The following ADAMTS17 variants were observed in gnomAD, a reference collection of about 807,000 sequenced individuals.
ADAMTS17 encodes the protein A disintegrin and metalloproteinase with thrombospondin motifs 17.
A neutral mutation model predicts 141.5 loss-of-function variants in ADAMTS17; 113 were observed. The observed-to-expected ratio is 0.80, with a 90% CI of 0.69 to 0.93. ADAMTS17 has a LOEUF of 0.93. Among genes scored for constraint, ADAMTS17 ranks in the 40% least tolerant of loss-of-function variants. The pLI is 0.00. For synonymous variants in ADAMTS17, 768 were observed against 630.6 expected (o/e 1.22, Z -3.27); for missense variants, 1,659 against 1,517.9 (o/e 1.09, Z -1.54).
intron 13 of ADAMTS17, 145 bp downstream of exon 13, chr15:100,116,702 G>T: frequency 1.8e-6 from 2 of 1,091,926 alleles, no homozygotes; most frequent in Non-Finnish European, 2.7e-6. Context: ...TTACAAAGTT[G>T]GGCCGCAGCT....
At chr15:100,340,889 G>C in intron 2 of ADAMTS17, 150 bp downstream of exon 2, 1 of 1,225,966 alleles carries the variant, frequency 8.2e-7, no homozygotes, top group Non-Finnish European at 1.1e-6. Flanking sequence ...CCGGGGTGGG[G>C]GATGGGGAGA....
At chr15:100,067,121 C>A (rs111985835) in intron 15 of ADAMTS17, among the ~76,000 whole-genome samples, 6 of 148,838 alleles carry the variant, frequency 4.0e-5, no homozygotes, top group Middle Eastern at 3.5e-3. Context: ...GGCAGCCATC[C>A]TTCTAAGTGT....
At chr15:100,133,099 C>A in intron 11 of ADAMTS17, 115 bp downstream of exon 11, 1 of 1,028,884 alleles carries the variant, frequency 9.7e-7, no homozygotes, top group Admixed American at 2.1e-5. Flanking sequence ...TCTGTGCCGC[C>A]TGGGGGATGT....
chr15:100,277,088 G>A (rs1035863200), intron 4 of ADAMTS17, among the ~76,000 whole-genome samples: 21 of 152,054 alleles, frequency 1.4e-4, no homozygotes, highest in Non-Finnish European at 2.5e-4. Context: ...AAAAGGCCCC[G>A]GAAACCCCAA....
At chr15:100,287,735 T>C (rs1441748033) in intron 3 of ADAMTS17, among the ~76,000 whole-genome samples, 5 of 152,060 alleles carry the variant, frequency 3.3e-5, no homozygotes, top group Non-Finnish European at 7.4e-5. Context: ...TGTACTCCAA[T>C]CAAGAACTTG....
At chr15:100,104,659 G>T in intron 14 of ADAMTS17, among the ~76,000 whole-genome samples, 1 of 152,308 alleles carries the variant, frequency 6.6e-6, no homozygotes, top group East Asian at 1.9e-4. Context: ...ATATTTCTGT[G>T]AGTGCTGTCT....
At chr15:100,083,776 G>A (rs1025881525) in intron 15 of ADAMTS17, among the ~76,000 whole-genome samples, 1 of 150,354 alleles carries the variant, frequency 6.7e-6, no homozygotes, top group Admixed American at 6.7e-5. Flanking sequence ...AACCACATGT[G>A]ACTTGGGAAT....
chr15:100,281,412 A>G lies in ADAMTS17; in HGVS notation c.617-11T>C. On this transcript the variant is annotated splice_polypyrimidine_tract_variant and intron_variant, in intron 3 of 21. Coordinates refer to ENST00000268070, the MANE Select transcript of ADAMTS17 (RefSeq NM_139057.4). ...TCGGCTTCTTCTTTTCTAGAAAATG[A>G]TGGAAACATTTGTGCGGTCCTTGGC... is the stretch of plus-strand genomic sequence containing the variant. The G allele has an allele frequency of 1.2e-6, 2 of 1,611,516 alleles. No homozygotes were observed. Among genetic ancestry groups the G allele is most frequent in the Non-Finnish European group, 1.7e-6 (2 of 1,179,616 alleles).
chr15:100,292,335 G>GAATTACGAGAGACACTCACCCCGTGTGA (rs1567497521), intron 3 of ADAMTS17, among the ~76,000 whole-genome samples: 4 of 134,320 alleles, frequency 3.0e-5, no homozygotes, highest in Admixed American at 7.5e-5. Flanking sequence ...AGCCCGTGTG[G>GAATTACGAGAGACACTCACCCCGTGTGA]AATTACGAGA....
At chr15:100,077,281 CACAAAAA>C (rs2034442886) in intron 15 of ADAMTS17, among the ~76,000 whole-genome samples, 2 of 12,724 alleles carry the variant, frequency 1.6e-4, no homozygotes, top group African/African-American at 5.8e-4. Flanking sequence ...CTATCTCTAC[CACAAAAA>C]AAAAAAAAAA....
chr15:100,147,602 T>C (rs765049423), intron 10 of ADAMTS17, among the ~76,000 whole-genome samples: 12 of 152,210 alleles, frequency 7.9e-5, no homozygotes, highest in Non-Finnish European at 1.2e-4. Context: ...TACACCTCTA[T>C]GAGGCAGTTC....
At chr15:100,053,380 A>G (rs2032293748) in intron 16 of ADAMTS17, among the ~76,000 whole-genome samples, 1 of 152,072 alleles carries the variant, frequency 6.6e-6, no homozygotes, top group Non-Finnish European at 1.5e-5. Flanking sequence ...GGAGTAGAAT[A>G]CCCACATCAT....
chr15:99,985,297 C>A (rs1470571159), intron 20 of ADAMTS17, among the ~76,000 whole-genome samples: 1 of 152,254 alleles, frequency 6.6e-6, no homozygotes, highest in Non-Finnish European at 1.5e-5. Context: ...CTCTCTTGAT[C>A]TGGATGCAGA....
At chr15:100,183,627 C>A (rs902015611) in intron 8 of ADAMTS17, among the ~76,000 whole-genome samples, 23 of 152,164 alleles carry the variant, frequency 1.5e-4, no homozygotes, top group African/African-American at 5.3e-4. Context: ...GTCACTGGTG[C>A]CAGCTGACTG....
chr15:100,094,493 C>T (rs2035646089), intron 15 of ADAMTS17, among the ~76,000 whole-genome samples: 1 of 152,204 alleles, frequency 6.6e-6, no homozygotes, highest in Non-Finnish European at 1.5e-5. Context: ...TAAAGGAAGA[C>T]CACTTTTGAC....
chr15:100,021,379 C>G (rs1281990551), intron 18 of ADAMTS17, among the ~76,000 whole-genome samples: 1 of 152,192 alleles, frequency 6.6e-6, no homozygotes. Flanking sequence ...CCCACCAAGC[C>G]AACCACCACG....
At chr15:100,315,610 T>G (rs1298635669) in intron 3 of ADAMTS17, among the ~76,000 whole-genome samples, 2 of 152,064 alleles carry the variant, frequency 1.3e-5, no homozygotes, top group African/African-American at 2.4e-5. Context: ...CTGAGGTGGG[T>G]GGACCAATCC....
Position 100,060,233 on chromosome 15 carries a change from G to A in ADAMTS17, c.2138-6179C>T, listed in dbSNP as rs2033009088. ...AAATCACTACCCAAAACATAACTATGCTCACTTTTGTGGGTTTTGCTCAGA... is the reference window on the plus strand; with the variant it reads ...AAATCACTACCCAAAACATAACTATACTCACTTTTGTGGGTTTTGCTCAGA... On this transcript the variant is annotated intron_variant, in intron 15 of 21. Coordinates refer to ENST00000268070, the MANE Select transcript of ADAMTS17 (RefSeq NM_139057.4). 2.0e-5 allele frequency among the ~76,000 whole-genome samples: 3 copies of A among 152,220 alleles called. No homozygotes were observed. In the South Asian group the frequency reaches 6.2e-4, roughly 32 times the overall value.
chr15:100,110,554 G>A (rs759715204), intron 13 of ADAMTS17, among the ~76,000 whole-genome samples: 16 of 151,960 alleles, frequency 1.1e-4, no homozygotes, highest in East Asian at 1.9e-4. Flanking sequence ...GTGAGCCACC[G>A]CGCCCCGCAA....
Sources: allele counts gnomAD v4.1 joint callset (sites outside exome capture counted in the v4.1 genomes callset), GRCh38; gene constraint gnomAD v4.1.1; transcripts MANE v1.5; gene names NCBI Gene and HGNC (gene_info 2026-07-23, HGNC 2026-07-21).